Variants in PPIP5K2 observed in about 807,000 individuals in gnomAD.
The protein encoded by PPIP5K2 is inositol hexakisphosphate and diphosphoinositol-pentakisphosphate kinase 2.
In PPIP5K2, 105 loss-of-function variants were observed where a neutral mutation model predicts 154.6. The observed-to-expected ratio is 0.68, with a 90% confidence interval of 0.58 to 0.80. The LOEUF is 0.80. Ranked by LOEUF, PPIP5K2 falls within the 30% of genes least tolerant of loss-of-function variation. The pLI is 0.00. For missense variants in PPIP5K2, 992 were observed against 1,504.6 expected (o/e 0.66, Z 5.64); for synonymous variants, 480 against 490.3 (o/e 0.98, Z 0.28).
intron 17 of PPIP5K2, among the ~76,000 whole-genome samples, chr5:103,162,034 C>G (rs1796351297): frequency 6.6e-6 from 1 of 152,140 alleles, no homozygotes; most frequent in Non-Finnish European, 1.5e-5. Flanking sequence ...CTAATTTACA[C>G]TCCCACCAGA....
chr5:103,155,404 G>GTGTTTTTT, intron 13 of PPIP5K2, among the ~76,000 whole-genome samples: 2 of 23,942 alleles, frequency 8.4e-5, no homozygotes, highest in South Asian at 1.8e-3. Context: ...CTTCAGAGTT[G>GTGTTTTTT]TCTTTTTTTT....
chr5:103,179,945 T>G (rs1442098506), intron 23 of PPIP5K2, 76 bp from the exon 24 acceptor site: 10 of 1,211,608 alleles, frequency 8.3e-6, no homozygotes, highest in Non-Finnish European at 1.1e-5. Flanking sequence ...CCTCTACCAG[T>G]GGTAGTTGAA....
In PPIP5K2 at chr5:103,146,649, G is replaced by T; in HGVS notation, c.610G>T (p.Ala204Ser). 2 of 1,611,646 alleles carry T rather than the reference G, an allele frequency of 1.2e-6. No individual in the cohort carries two copies. Among genetic ancestry groups the T allele is most frequent in the Non-Finnish European group, 8.5e-7 (1 of 1,178,766 alleles). The part of the protein sequence containing the change: ...HNVYIYYPTS[A>S]GGGSQRLFRK... Reference sequence around the variant, plus strand: ...TGTTTACATTTATTACCCAACTTCTGCTGGTGGTGGAAGTCAAAGACTCTT... The same window carrying T: ...TGTTTACATTTATTACCCAACTTCTTCTGGTGGTGGAAGTCAAAGACTCTT... The change falls in exon 6 of 31, where the codon GCT (alanine) becomes TCT (serine). Residue 204 changes from alanine (A) to serine (S), a missense_variant. Physicochemically the swap from Ala to Ser is moderately conservative, Grantham distance 99 (BLOSUM62 1). This residue lies in a region of PPIP5K2 where 51 missense variants were observed against 152.2 expected (regional missense o/e 0.33). Coordinates refer to ENST00000358359, the MANE Select transcript of PPIP5K2 (RefSeq NM_001276277.3).
intron 14 of PPIP5K2, among the ~76,000 whole-genome samples, chr5:103,156,962 T>C (rs192214587): frequency 1.9e-4 from 29 of 152,286 alleles, no homozygotes; most frequent in Non-Finnish European, 3.1e-4. Context: ...TCACATTTTG[T>C]GGTTAATAGT....
rs781841663 is a variant in PPIP5K2 at position 103,129,593 on chromosome 5, A to G, written c.4A>G (p.Ser2Gly). M[S>G]EAPRFFVGPE... ...ATCTACATCAAATAAAATAAAAATGAGTGAAGCCCCCAGATTCTTCGTTGG... is the reference window on the plus strand; with the variant it reads ...ATCTACATCAAATAAAATAAAAATGGGTGAAGCCCCCAGATTCTTCGTTGG... Residue 2 changes from serine to glycine, a missense_variant, in exon 2 of 31, where the codon AGT becomes GGT. Ser to Gly is a moderately conservative substitution (Grantham distance 56). Transcript: ENST00000358359. 10 of 1,578,146 alleles carry G rather than the reference A, an allele frequency of 6.3e-6. No homozygotes were observed. Among genetic ancestry groups the G allele is most frequent in the African/African-American group, 1.4e-5 (1 of 72,618 alleles).
Position 103,129,516 on chromosome 5 carries a change from C to T in PPIP5K2, c.-74C>T. 8.0e-7 allele frequency: 1 copy of T among 1,256,790 alleles called. No homozygotes were observed. Among genetic ancestry groups the T allele is most frequent in the Non-Finnish European group, 1.1e-6 (1 of 934,074 alleles). The allele number at this position is 1,256,790 out of a possible 1,614,324, so 77.9% of individuals were successfully genotyped here. ...TCAGCTAATATATGGAGAATGCTTT[C>T]TTCTGATACTATTTACTTAGAGGCA... On this transcript the variant is annotated 5_prime_UTR_variant, in exon 2 of 31. Coordinates refer to ENST00000358359, the MANE Select transcript of PPIP5K2 (RefSeq NM_001276277.3).
chr5:103,182,413 A>G (rs1323609815), intron 24 of PPIP5K2, among the ~76,000 whole-genome samples: 1 of 152,186 alleles, frequency 6.6e-6, no homozygotes, highest in African/African-American at 2.4e-5. Context: ...CTAAACTTTT[A>G]CTTCCATAAG....
intron 1 of PPIP5K2, among the ~76,000 whole-genome samples, chr5:103,125,262 C>T (rs1456606997): frequency 6.6e-6 from 1 of 152,120 alleles, no homozygotes; most frequent in Non-Finnish European, 1.5e-5. Flanking sequence ...CGTTGGGATA[C>T]AAGCACTCTT....
intron 14 of PPIP5K2, among the ~76,000 whole-genome samples, chr5:103,157,932 C>A (rs1389193589): frequency 6.6e-6 from 1 of 151,996 alleles, no homozygotes; most frequent in Non-Finnish European, 1.5e-5. Context: ...AAATTGGGAG[C>A]CATTTTTCTA....
At position 103,153,874 on chromosome 5, in the gene PPIP5K2, T is replaced by TG; in HGVS notation, c.1157_1158insG (p.Ile387TyrfsTer23). The TG allele has an allele frequency of 6.2e-7, 1 of 1,607,764 alleles. No individual in the cohort carries two copies. Among genetic ancestry groups the TG allele is most frequent in the Non-Finnish European group, 8.5e-7 (1 of 1,176,798 alleles). On this transcript the variant is annotated frameshift_variant, in exon 11 of 31. Coordinates refer to ENST00000358359, the MANE Select transcript of PPIP5K2 (RefSeq NM_001276277.3). LOFTEE classifies it high-confidence loss of function. ...ATGGAACTTAGATGTGTCATAGCTG[T>TG]TATACGTCATGGGGATCGAACACCA...
intron 30 of PPIP5K2, among the ~76,000 whole-genome samples, chr5:103,195,915 C>T (rs184308054): frequency 6.3e-4 from 96 of 152,268 alleles, no homozygotes; most frequent in South Asian, 1.7e-3. Context: ...AGTTCTGCTA[C>T]TTATTAGCTA....
chr5:103,208,714 T>C lies in PPIP5K2; in HGVS notation c.*7080T>C. The stretch of plus-strand genomic sequence containing the variant: ...GAGAAGGAACTAGTTGTTGTTGTTT[T>C]TTTTTCCCTGTCTCAGATTATGTCA... On this transcript the variant is annotated 3_prime_UTR_variant, in exon 31 of 31. Transcript: ENST00000358359. 6.6e-6 allele frequency: 1 copy of C among 152,274 alleles called. No homozygotes were observed. Among genetic ancestry groups the C allele is most frequent in the Non-Finnish European group, 1.5e-5 (1 of 68,104 alleles). The allele number at this position is 152,274 out of a possible 1,614,324, so 9.4% of individuals were successfully genotyped here.
At chr5:103,152,416 A>G (rs1472020061) in intron 9 of PPIP5K2, among the ~76,000 whole-genome samples, 2 of 151,926 alleles carry the variant, frequency 1.3e-5, no homozygotes, top group Non-Finnish European at 3.0e-5. Context: ...TTGATATTTT[A>G]AAACTAAAGT....
rs188996212 is a variant in PPIP5K2 at position 103,156,096 on chromosome 5, G to A, written c.1489+102G>A. The A allele has an allele frequency of 4.8e-4, 331 of 683,406 alleles. 2 individuals carry two copies. In the African/African-American group the frequency reaches 5.4e-3, roughly 11 times the overall value. 42.3% of individuals were successfully genotyped at this position (683,406 alleles called of 1,614,324 possible). On this transcript the variant is annotated intron_variant, in intron 14 of 30. Transcript: ENST00000358359. ...TCTTTTGCTTAGTAGTTTAGGGAAT[G>A]GCATGGTGAGGAAAAATAAAGTGGA...
chr5:103,140,578 G>T (rs140548233), intron 5 of PPIP5K2, among the ~76,000 whole-genome samples: 57 of 151,966 alleles, frequency 3.8e-4, no homozygotes, highest in African/African-American at 1.3e-3. Flanking sequence ...GGCCGGGCGC[G>T]GTGGCTCACG....
In PPIP5K2 at chr5:103,177,735, G is replaced by T; in HGVS notation, c.2598G>T (p.Met866Ile). The T allele has an allele frequency of 6.2e-7, 1 of 1,612,028 alleles. No homozygotes were observed. Among genetic ancestry groups the T allele is most frequent in the South Asian group, 1.1e-5 (1 of 90,866 alleles). ...YLNVVNELNY[M>I]TQIVIMLYED... ...ACGTTGTCAATGAGCTCAACTACAT[G>T]ACTCAGATTGTTATCATGCTTTATG... Residue 866 changes from methionine to isoleucine, a missense_variant, in exon 22 of 31, where the codon ATG becomes ATT. Transcript: ENST00000358359.
intron 1 of PPIP5K2, chr5:103,120,757 A>G (rs1788527071): frequency 6.2e-6 from 2 of 322,156 alleles, no homozygotes; most frequent in Admixed American, 3.8e-5. Flanking sequence ...ATTGAAGATC[A>G]GCTAAAAGGG....
chr5:103,146,730 G>C, intron 6 of PPIP5K2, 49 bp downstream of exon 6: 3 of 1,455,586 alleles, frequency 2.1e-6, no homozygotes, highest in Non-Finnish European at 2.8e-6. Flanking sequence ...GTACATTGTC[G>C]TGTATTATTA....
chr5:103,193,126 A>G (rs1197362239), intron 29 of PPIP5K2, among the ~76,000 whole-genome samples: 4 of 152,162 alleles, frequency 2.6e-5, no homozygotes, highest in Admixed American at 2.6e-4. Flanking sequence ...AGAAAGACAC[A>G]GTTGAGGAAA....
Sources: gnomAD v4.1 joint callset for allele counts (sites outside exome capture counted in the v4.1 genomes callset) on GRCh38, gnomAD v4.1.1 for gene constraint, gnomAD v4.1.1 regional missense constraint, MANE v1.5 for transcripts, NCBI Gene and HGNC (gene_info 2026-07-23, HGNC 2026-07-21) for gene names.